Variants in CLCC1 observed in about 807,000 individuals in gnomAD.
The protein encoded by CLCC1 is chloride channel CLIC like 1, also known as chloride channel CLIC-like protein 1.
CLCC1 carries 39 observed loss-of-function variants against 63.3 expected under a neutral mutation model. That is an observed-to-expected ratio of 0.62 (90% CI 0.48 to 0.81). CLCC1 has a LOEUF of 0.81. CLCC1 is among the 30% of genes least tolerant of loss of function. The pLI is 0.00. For synonymous variants in CLCC1, 217 were observed against 239.8 expected, an observed-to-expected ratio of 0.90 and a Z score of 0.88; for missense variants, 549 against 669.4, an observed-to-expected ratio of 0.82 and a Z score of 1.98.
At chr1:108,947,491 G>T (rs1365695649) in intron 5 of CLCC1, 120 bp downstream of exon 5, 3 of 614,468 alleles carry the variant, frequency 4.9e-6, no homozygotes, top group Admixed American at 3.2e-5. Flanking sequence ...TCTGGTTAAA[G>T]AGTCAGTCAG....
intron 2 of CLCC1, among the ~76,000 whole-genome samples, chr1:108,951,311 G>A (rs1655151282): frequency 6.6e-6 from 1 of 152,208 alleles, no homozygotes; most frequent in African/African-American, 2.4e-5. Flanking sequence ...GAGCCTGGGA[G>A]GCAGAGGTTG....
chr1:108,941,550 G>A (rs750527202), intron 7 of CLCC1, 52 bp from the exon 8 acceptor site: 2 of 1,378,156 alleles, frequency 1.5e-6, no homozygotes, highest in African/African-American at 2.9e-5. Flanking sequence ...TGAAGGTTAG[G>A]CCTACACATC....
At position 108,942,115 on chromosome 1, in the gene CLCC1, G is replaced by A. The variant is rs976818315; in HGVS notation, c.703-617C>T. ...AGTTCAGCCAGGCGTGATAGCACGG[G>A]CCTGTAGTCCCAGATAGGAGGCTGA... On this transcript the variant is annotated intron_variant, in intron 7 of 12. Coordinates refer to ENST00000369969, the MANE Select transcript of CLCC1 (RefSeq NM_001377458.1). 3.9e-5 allele frequency among the ~76,000 whole-genome samples: 6 copies of A among 152,176 alleles called. No homozygotes were observed. The South Asian group carries it at 1.3e-3, about 32-fold the overall frequency.
intron 2 of CLCC1, among the ~76,000 whole-genome samples, chr1:108,954,449 G>A (rs1296833649): frequency 3.3e-5 from 5 of 150,986 alleles, no homozygotes; most frequent in African/African-American, 4.9e-5. Context: ...GCAGTGAGCC[G>A]AGATCGTGCC....
At chr1:108,945,759 C>T (rs1412463639) in intron 5 of CLCC1, among the ~76,000 whole-genome samples, 1 of 152,218 alleles carries the variant, frequency 6.6e-6, no homozygotes, top group African/African-American at 2.4e-5. Context: ...CCATAAATTA[C>T]ATATTTATAA....
In CLCC1 at chr1:108,946,706, G is replaced by GA. The variant is rs201613645; in HGVS notation, c.339+904dup. 1.2e-3 allele frequency among the ~76,000 whole-genome samples: 187 copies of GA among 150,314 alleles called. 1 individual carries two copies. The highest frequency in any genetic ancestry group is 4.2e-3 in the African/African-American group (174 of 41,040). ...TCAATTCTGGTGGCACACACAATAG[G>GA]AAAAAAAAAGTCTATGAGCTTTTAA... On this transcript the variant is annotated intron_variant, in intron 5 of 12. Transcript: ENST00000369969.
At position 108,957,089 on chromosome 1, in the gene CLCC1, T is replaced by C. The variant is rs74640711; in HGVS notation, c.-12+5220A>G. On this transcript the variant is annotated intron_variant, in intron 2 of 12. Coordinates refer to ENST00000369969, the MANE Select transcript of CLCC1 (RefSeq NM_001377458.1). The stretch of plus-strand genomic sequence containing the variant: ...AGGAGGTTAGGAAGATCTGTAGTCA[T>C]CCACTTCAGAGATGAAGGTGACATG... Among the ~76,000 whole-genome samples, 850 of 151,504 alleles carry C rather than the reference T, an allele frequency of 5.6e-3. 61 individuals carry two copies. Among genetic ancestry groups the C allele is most frequent in the African/African-American group, 0.02 (799 of 40,812 alleles).
In CLCC1 at chr1:108,949,823, A is replaced by G. The variant is rs1571058373; in HGVS notation, c.228T>C (p.Tyr76=). 3.3e-6 allele frequency: 5 copies of G among 1,537,700 alleles called. No individual in the cohort carries two copies. The highest frequency in any genetic ancestry group is 4.4e-6 in the Non-Finnish European group (5 of 1,132,622). The change falls in exon 4 of 13, where the codon TAT becomes TAC. Residue 76 remains tyrosine (Y), a synonymous_variant. Transcript: ENST00000369969. ...ECYHKLDSLT[Y]KIDECEKKKR... is the part of the protein sequence containing the mutation. ...ATTTATCAATAAAAAAACTAACCTT[A>G]TAAGTTAAAGAATCAAGTTTGTGAT...
At position 108,963,477 on chromosome 1, in the gene CLCC1, A is replaced by G. The variant is rs774015062; in HGVS notation, c.-289T>C. On this transcript the variant is annotated 5_prime_UTR_variant, in exon 1 of 13. Transcript: ENST00000369969. Reference sequence around the variant, plus strand: ...GCGTGCTTCCTGGGCCTCGTCATCGAATTGTTCGGCTGACGGCTGCGTGTC... The same window carrying G: ...GCGTGCTTCCTGGGCCTCGTCATCGGATTGTTCGGCTGACGGCTGCGTGTC... 2.3e-5 allele frequency: 16 copies of G among 701,682 alleles called. No individual in the cohort carries two copies. In the South Asian group the frequency reaches 2.4e-4, roughly 10 times the overall value. 43.5% of individuals were successfully genotyped at this position (701,682 alleles called of 1,614,324 possible).
chr1:108,931,253 T>TGAAA lies in CLCC1; in HGVS notation c.*1290_*1293dup. The TGAAA allele has an allele frequency of 7.0e-7, 1 of 1,434,438 alleles. No individual in the cohort carries two copies. The highest frequency in any genetic ancestry group is 9.2e-7 in the Non-Finnish European group (1 of 1,083,948). 88.9% of individuals were successfully genotyped at this position (1,434,438 alleles called of 1,614,324 possible). On this transcript the variant is annotated 3_prime_UTR_variant, in exon 13 of 13. Coordinates refer to ENST00000369969, the MANE Select transcript of CLCC1 (RefSeq NM_001377458.1). ...GATGAAAACTCACAAAAATTAAATA[T>TGAAA]GAAAGAAAGATGTCAGCTAGAACCT...
intron 2 of CLCC1, among the ~76,000 whole-genome samples, chr1:108,956,583 C>T (rs938296809): frequency 1.3e-5 from 2 of 150,534 alleles, no homozygotes; most frequent in African/African-American, 5.0e-5. Flanking sequence ...ATCACTTGAA[C>T]CTGGGAGGCG....
intron 2 of CLCC1, among the ~76,000 whole-genome samples, chr1:108,953,230 T>C (rs1416465168): frequency 6.6e-6 from 1 of 152,228 alleles, no homozygotes; most frequent in Non-Finnish European, 1.5e-5. Flanking sequence ...CACTCTAGGC[T>C]AAATTAAATA....
chr1:108,949,938 A>G lies in CLCC1; in HGVS notation c.130-17T>C, dbSNP rs778304254. 6.9e-7 allele frequency: 1 copy of G among 1,450,226 alleles called. No homozygotes were observed. The highest frequency in any genetic ancestry group is 9.5e-7 in the Non-Finnish European group (1 of 1,048,718). The allele number at this position is 1,450,226 out of a possible 1,614,324, so 89.8% of individuals were successfully genotyped here. ...ATATTTTGCCTAAAACAGAGTATAG[A>G]AACATTTTATTTCTTTATAGTTTAG... On this transcript the variant is annotated splice_polypyrimidine_tract_variant and intron_variant, in intron 3 of 12. Transcript: ENST00000369969.
At chr1:108,950,143 G>A (rs540501724) in intron 3 of CLCC1, among the ~76,000 whole-genome samples, 166 bp downstream of exon 3, 15 of 152,186 alleles carry the variant, frequency 9.9e-5, no homozygotes, top group Middle Eastern at 3.4e-3. Flanking sequence ...TTCAATACCA[G>A]GTAGGTTTGA....
intron 5 of CLCC1, among the ~76,000 whole-genome samples, chr1:108,947,169 A>C (rs1313459587): frequency 1.3e-5 from 2 of 152,220 alleles, no homozygotes; most frequent in Admixed American, 6.5e-5. Flanking sequence ...GTCTCAAAAA[A>C]AAAAGGAAAT....
chr1:108,951,358 G>C (rs762804592), intron 2 of CLCC1, among the ~76,000 whole-genome samples: 5 of 152,126 alleles, frequency 3.3e-5, no homozygotes, highest in Non-Finnish European at 7.4e-5. Flanking sequence ...CCCCAACCTG[G>C]GTGACAGAGT....
At chr1:108,941,845 G>A (rs1653892336) in intron 7 of CLCC1, among the ~76,000 whole-genome samples, 1 of 151,874 alleles carries the variant, frequency 6.6e-6, no homozygotes, top group East Asian at 1.9e-4. Flanking sequence ...GTAGAGACGG[G>A]GTTTCATCAT....
intron 2 of CLCC1, among the ~76,000 whole-genome samples, chr1:108,951,416 A>G (rs766560263): frequency 4.6e-5 from 7 of 152,204 alleles, no homozygotes; most frequent in Non-Finnish European, 8.8e-5. Context: ...AATTTCCATT[A>G]ACTGATAAAT....
In CLCC1 at chr1:108,931,304, T is replaced by C. The variant is rs1651910030; in HGVS notation, c.*1243A>G. ...TAGTTGTCATTAAGCTTTGTCTTCCTTATCCCAGATATTGAAGGCAGTTTA... is the reference window on the plus strand; with the variant it reads ...TAGTTGTCATTAAGCTTTGTCTTCCCTATCCCAGATATTGAAGGCAGTTTA... On this transcript the variant is annotated 3_prime_UTR_variant, in exon 13 of 13. Coordinates refer to ENST00000369969, the MANE Select transcript of CLCC1 (RefSeq NM_001377458.1). The C allele has an allele frequency of 6.5e-7, 1 of 1,541,724 alleles. No homozygotes were observed. The highest frequency in any genetic ancestry group is 2.0e-5 in the Admixed American group (1 of 49,854).
Sources: allele counts gnomAD v4.1 joint callset (sites outside exome capture counted in the v4.1 genomes callset), GRCh38; gene constraint gnomAD v4.1.1; transcripts MANE v1.5; gene names NCBI Gene and HGNC (gene_info 2026-07-23, HGNC 2026-07-21).